The following TMEM45B variants were observed in gnomAD, a reference collection of about 807,000 sequenced individuals.
TMEM45B encodes the protein transmembrane protein 45B.
Under a neutral mutation model 27.3 loss-of-function variants are expected in TMEM45B, and 29 were observed. The observed-to-expected ratio is 1.06, with a 90% CI of 0.79 to 1.45. TMEM45B has a LOEUF of 1.45. Among genes scored for constraint, TMEM45B ranks in the 40% most tolerant of loss-of-function variants. The probability of loss-of-function intolerance (pLI) is 0.00; values close to 1 mark genes in which losing one functional copy is unlikely to be tolerated. For missense variants in TMEM45B, 348 were observed against 343.9 expected (o/e 1.01, Z -0.09); for synonymous variants, 143 against 134.7 (o/e 1.06, Z -0.43).
chr11:129,854,710 C>A lies in TMEM45B; in HGVS notation c.279C>A (p.Tyr93Ter), dbSNP rs1249164258. The stretch of plus-strand genomic sequence containing the variant: ...TGAATTGGCAGCACAGCACCATGTA[C>A]CTATTCTTTGCAGTCTCAGGAATTG... ...KLMNWQHSTM[Y>*]LFFAVSGIVD... The change falls in exon 3 of 6, where the codon TAC becomes TAA. Residue 93 changes from tyrosine (Y) to a stop codon, truncating the protein, a stop_gained. Coordinates refer to ENST00000281441, the MANE Select transcript of TMEM45B (RefSeq NM_138788.5). LOFTEE classifies it high-confidence loss of function. 7 of 1,614,230 alleles carry A rather than the reference C, an allele frequency of 4.3e-6. No homozygotes were observed. The highest frequency in any genetic ancestry group is 5.9e-6 in the Non-Finnish European group (7 of 1,180,042).
In TMEM45B at chr11:129,855,579, T is replaced by A. The variant is rs1230448257; in HGVS notation, c.386-129T>A. ...TGAAATACACTTACTCGCATCTGTT[T>A]GCTGCCTGTAATGTTATGTACTAAC... On this transcript the variant is annotated intron_variant, in intron 3 of 5. Coordinates refer to ENST00000281441, the MANE Select transcript of TMEM45B (RefSeq NM_138788.5). 4 of 830,364 alleles carry A rather than the reference T, an allele frequency of 4.8e-6. No homozygotes were observed. In the East Asian group the frequency reaches 9.8e-5, roughly 20 times the overall value. The allele number at this position is 830,364 out of a possible 1,614,324, so 51.4% of individuals were successfully genotyped here. A position where few individuals can be genotyped will look rare whatever the true frequency, so the allele number is the denominator to read the frequency against.
chr11:129,837,927 G>T (rs972467159), intron 1 of TMEM45B, among the ~76,000 whole-genome samples: 40 of 151,576 alleles, frequency 2.6e-4, no homozygotes, highest in African/African-American at 9.2e-4. Context: ...GACTACAGGT[G>T]CCCGCCACCA....
chr11:129,857,796 C>T (rs1170628341), intron 5 of TMEM45B, among the ~76,000 whole-genome samples: 2 of 152,120 alleles, frequency 1.3e-5, no homozygotes. Context: ...GACCCATCAT[C>T]TTATTTCCAG....
chr11:129,841,596 T>TG (rs1947694935), intron 1 of TMEM45B, among the ~76,000 whole-genome samples: 1 of 146,572 alleles, frequency 6.8e-6, no homozygotes, highest in South Asian at 2.2e-4. Context: ...TTTTTTGTTT[T>TG]TTTTTTTTTT....
intron 1 of TMEM45B, among the ~76,000 whole-genome samples, chr11:129,818,840 C>G (rs1387672825): frequency 6.6e-6 from 1 of 152,090 alleles, no homozygotes; most frequent in African/African-American, 2.4e-5. Context: ...GGAAGAAAAC[C>G]GGATTTAAGA....
chr11:129,829,359 C>G (rs998789465), intron 1 of TMEM45B, among the ~76,000 whole-genome samples: 2 of 152,188 alleles, frequency 1.3e-5, no homozygotes, highest in Non-Finnish European at 2.9e-5. Context: ...GGTTTCTATC[C>G]TTTCCCTGAA....
chr11:129,845,212 TATTA>T (rs1205838858), intron 1 of TMEM45B, among the ~76,000 whole-genome samples: 1 of 152,106 alleles, frequency 6.6e-6, no homozygotes, highest in East Asian at 1.9e-4. Context: ...TCTGCCTGTT[TATTA>T]GAGTGGCTTA....
intron 4 of TMEM45B, 129 bp from the exon 5 acceptor site, chr11:129,857,184 A>C (rs1188874339): frequency 2.7e-6 from 3 of 1,119,206 alleles, no homozygotes; most frequent in Non-Finnish European, 3.9e-6. Context: ...AGGCCTTTCT[A>C]TGCTAACGAA....
intron 1 of TMEM45B, among the ~76,000 whole-genome samples, chr11:129,844,577 C>T (rs1947734360): frequency 6.6e-6 from 1 of 152,160 alleles, no homozygotes; most frequent in Non-Finnish European, 1.5e-5. Context: ...GTCCTAACTA[C>T]TTATGAGGCT....
chr11:129,837,021 C>T (rs1405489855), intron 1 of TMEM45B, among the ~76,000 whole-genome samples: 4 of 152,280 alleles, frequency 2.6e-5, no homozygotes, highest in Non-Finnish European at 2.9e-5. Flanking sequence ...ATGTGCAGGA[C>T]GGCCCCACAA....
chr11:129,840,580 G>A (rs1947676897), intron 1 of TMEM45B, among the ~76,000 whole-genome samples: 1 of 152,118 alleles, frequency 6.6e-6, no homozygotes, highest in African/African-American at 2.4e-5. Context: ...TATGTTCAAA[G>A]GAGGGTTTAA....
intron 1 of TMEM45B, among the ~76,000 whole-genome samples, chr11:129,831,787 GCCAGGCATGGTGGC>G (rs1348550647): frequency 1.3e-5 from 2 of 152,202 alleles, no homozygotes; most frequent in African/African-American, 2.4e-5. Flanking sequence ...GAATGAAGTG[GCCAGGCATGGTGGC>G]CCATGCCTGT....
Position 129,815,916 on chromosome 11 carries a change from G to C in TMEM45B, c.-9+18G>C. On this transcript the variant is annotated intron_variant, in intron 1 of 5. Coordinates refer to ENST00000281441, the MANE Select transcript of TMEM45B (RefSeq NM_138788.5). ...GGGCACAGGTCAGACGTCCGTACCCGCAGGGGGCTCGAACCTGGAGGAGGG... is the reference window on the plus strand; with the variant it reads ...GGGCACAGGTCAGACGTCCGTACCCCCAGGGGGCTCGAACCTGGAGGAGGG... 7.9e-7 allele frequency: 1 copy of C among 1,270,362 alleles called. No individual in the cohort carries two copies. The highest frequency in any genetic ancestry group is 1.5e-5 in the African/African-American group (1 of 64,560). The allele number at this position is 1,270,362 out of a possible 1,614,324, so 78.7% of individuals were successfully genotyped here.
intron 2 of TMEM45B, among the ~76,000 whole-genome samples, chr11:129,853,586 A>G (rs1231732548): frequency 6.6e-6 from 1 of 152,158 alleles, no homozygotes; most frequent in African/African-American, 2.4e-5. Context: ...GACAATTACA[A>G]TATTTGGCCC....
intron 1 of TMEM45B, among the ~76,000 whole-genome samples, chr11:129,822,751 AG>A (rs1453867567): frequency 1.3e-5 from 2 of 152,094 alleles, no homozygotes. Flanking sequence ...CTGAGATACT[AG>A]GGAATGAAAA....
Position 129,855,811 on chromosome 11 carries a change from A to AG in TMEM45B, c.490dup (p.Glu164GlyfsTer46), listed in dbSNP as rs767267855. ...TCGGAGGGTGTGTTAGTATCTCCCTAGAGGTGATCTTCCGGGACCACATTG... is the reference window on the plus strand; with the variant it reads ...TCGGAGGGTGTGTTAGTATCTCCCTAGGAGGTGATCTTCCGGGACCACATTG... On this transcript the variant is annotated frameshift_variant, in exon 4 of 6. Transcript: ENST00000281441. LOFTEE classifies it high-confidence loss of function. 8.1e-6 allele frequency: 13 copies of AG among 1,614,076 alleles called. No homozygotes were observed. The Admixed American group carries it at 2.2e-4, about 27-fold the overall frequency.
rs750578484 is a variant in TMEM45B at position 129,855,745 on chromosome 11, G to A, written c.423G>A (p.Pro141=). The A allele has an allele frequency of 2.1e-5, 34 of 1,614,092 alleles. 1 individual carries two copies. In the South Asian group the frequency reaches 2.4e-4, roughly 11 times the overall value. Residue 141 remains proline, a synonymous_variant, in exon 4 of 6, where the codon CCG becomes CCA. Transcript: ENST00000281441. ...ACTACCACGTCCACAACCGGCCTCC[G>A]CTGGACCAGCACATCCACTCACTCC... ...LFYYHVHNRP[P]LDQHIHSLLL... is the part of the protein sequence containing the mutation.
chr11:129,830,080 C>G (rs1947530409), intron 1 of TMEM45B, among the ~76,000 whole-genome samples: 1 of 152,200 alleles, frequency 6.6e-6, no homozygotes, highest in Non-Finnish European at 1.5e-5. Context: ...CCTGTAATCC[C>G]AGCACTTTGG....
chr11:129,817,080 G>A (rs1191542930), intron 1 of TMEM45B, among the ~76,000 whole-genome samples: 1 of 152,050 alleles, frequency 6.6e-6, no homozygotes, highest in Non-Finnish European at 1.5e-5. Context: ...CTCTTCGACC[G>A]CTTTCTGCGG....
Sources: gnomAD v4.1 joint callset for allele counts (sites outside exome capture counted in the v4.1 genomes callset) on GRCh38, gnomAD v4.1.1 for gene constraint, MANE v1.5 for transcripts, NCBI Gene and HGNC (gene_info 2026-07-23, HGNC 2026-07-21) for gene names.